The following SLC24A3 variants were observed in gnomAD, a reference collection of about 807,000 sequenced individuals.
SLC24A3 encodes sodium/potassium/calcium exchanger 3.
A neutral mutation model predicts 75.8 loss-of-function variants in SLC24A3; 28 were observed. The ratio of observed to expected loss-of-function variants is 0.37; its 90% CI spans 0.27 to 0.51. SLC24A3 has a LOEUF of 0.51. Ranked by LOEUF, SLC24A3 falls within the 20% of genes least tolerant of loss-of-function variation. SLC24A3 has a pLI of 0.94. For missense variants in SLC24A3, 663 were observed against 847.8 expected (o/e 0.78, Z 2.71); for synonymous variants, 372 against 334.1 (o/e 1.11, Z -1.24).
At chr20:19,685,422 C>G in intron 12 of SLC24A3, 61 bp downstream of exon 12, 1 of 1,573,534 alleles carries the variant, frequency 6.4e-7, no homozygotes, top group Non-Finnish European at 8.6e-7. Flanking sequence ...AGTAGATGCC[C>G]TTGACTTAGA....
intron 2 of SLC24A3, among the ~76,000 whole-genome samples, chr20:19,481,045 C>A (rs562485550): frequency 1.3e-5 from 2 of 152,296 alleles, no homozygotes; most frequent in East Asian, 3.9e-4. Flanking sequence ...GCTGTGACTG[C>A]ACAATCATAG....
chr20:19,418,462 A>G (rs1055631340), intron 2 of SLC24A3, among the ~76,000 whole-genome samples: 5 of 152,024 alleles, frequency 3.3e-5, no homozygotes, highest in South Asian at 2.1e-4. Context: ...AAGTAGGGGG[A>G]AAAAAATAAG....
intron 2 of SLC24A3, among the ~76,000 whole-genome samples, chr20:19,346,081 A>ATG (rs1156943033): frequency 6.0e-5 from 4 of 66,142 alleles, no homozygotes; most frequent in African/African-American, 5.5e-4. Flanking sequence ...ATATATATAT[A>ATG]TATATATATA....
rs367757942 is a variant in SLC24A3 at position 19,571,879 on chromosome 20, C to T, written c.349-8121C>T. 2.6e-5 allele frequency among the ~76,000 whole-genome samples: 4 copies of T among 152,190 alleles called. No individual in the cohort carries two copies. In the South Asian group the frequency reaches 8.3e-4, roughly 32 times the overall value. On this transcript the variant is annotated intron_variant, in intron 3 of 16. Coordinates refer to ENST00000328041, the MANE Select transcript of SLC24A3 (RefSeq NM_020689.4). ...TTGATTTAAAATTGTATTTCATTCCCTTCACAATCTTCCTTAACTCACTCC... is the reference window on the plus strand; with the variant it reads ...TTGATTTAAAATTGTATTTCATTCCTTTCACAATCTTCCTTAACTCACTCC...
intron 2 of SLC24A3, among the ~76,000 whole-genome samples, chr20:19,309,700 G>A (rs1984410900): frequency 6.6e-6 from 1 of 152,136 alleles, no homozygotes; most frequent in South Asian, 2.1e-4. Context: ...ATGAGAAGTG[G>A]CCTTCAAAAA....
At chr20:19,373,030 T>G (rs980138544) in intron 2 of SLC24A3, among the ~76,000 whole-genome samples, 3 of 150,368 alleles carry the variant, frequency 2.0e-5, no homozygotes, top group African/African-American at 4.9e-5. Context: ...AAAAGAGAAA[T>G]AAAGAAAGAA....
At chr20:19,602,926 C>G (rs2031546308) in intron 6 of SLC24A3, among the ~76,000 whole-genome samples, 1 of 152,178 alleles carries the variant, frequency 6.6e-6, no homozygotes, top group South Asian at 2.1e-4. Context: ...CTGAGGGGGG[C>G]TCATCACACC....
intron 3 of SLC24A3, among the ~76,000 whole-genome samples, chr20:19,553,556 A>G (rs1306939151): frequency 1.3e-5 from 2 of 152,166 alleles, no homozygotes; most frequent in Non-Finnish European, 2.9e-5. Flanking sequence ...CATGTCTTTC[A>G]TATGATGAAA....
chr20:19,627,605 AAAAT>A (rs1313663295), intron 6 of SLC24A3, among the ~76,000 whole-genome samples: 1 of 152,210 alleles, frequency 6.6e-6, no homozygotes. Context: ...AGATTATGAT[AAAAT>A]AAATAAAGGA....
intron 3 of SLC24A3, among the ~76,000 whole-genome samples, chr20:19,572,161 G>A (rs1159893504): frequency 6.6e-6 from 1 of 152,034 alleles, no homozygotes; most frequent in Non-Finnish European, 1.5e-5. Flanking sequence ...ACATAGGGAG[G>A]AGCCCCCTCC....
At chr20:19,424,429 C>G (rs1158603863) in intron 2 of SLC24A3, among the ~76,000 whole-genome samples, 2 of 152,166 alleles carry the variant, frequency 1.3e-5, no homozygotes, top group African/African-American at 2.4e-5. Flanking sequence ...GTGGCTCATG[C>G]CAGTAATCCC....
At position 19,553,827 on chromosome 20, in the gene SLC24A3, A is replaced by C. The variant is rs376370989; in HGVS notation, c.349-26173A>C. Among the ~76,000 whole-genome samples, 72 of 152,316 alleles carry C rather than the reference A, an allele frequency of 4.7e-4. No individual in the cohort carries two copies. The Middle Eastern group carries it at 0.01, about 22-fold the overall frequency. ...GGGAAACATAAAATATTTGAGTGCA[A>C]AAAAAGACGGAGCGTATAAAGACAC... On this transcript the variant is annotated intron_variant, in intron 3 of 16. Transcript: ENST00000328041.
At chr20:19,488,450 G>A (rs943597309) in intron 2 of SLC24A3, among the ~76,000 whole-genome samples, 2 of 152,156 alleles carry the variant, frequency 1.3e-5, no homozygotes, top group African/African-American at 2.4e-5. Flanking sequence ...TTCTCCCTCA[G>A]ACCAAGATCT....
At chr20:19,579,867 T>C (rs1044703425) in intron 3 of SLC24A3, 133 bp from the exon 4 acceptor site, 3 of 664,906 alleles carry the variant, frequency 4.5e-6, no homozygotes, top group Non-Finnish European at 8.0e-6. Flanking sequence ...TTGTGGGCAT[T>C]GGAAAGACTT....
chr20:19,380,492 G>T (rs774808678), intron 2 of SLC24A3, among the ~76,000 whole-genome samples: 15 of 152,180 alleles, frequency 9.9e-5, no homozygotes. Context: ...TTTTGGAAAG[G>T]TCTCTCTGGC....
At chr20:19,403,513 GA>G (rs1472759541) in intron 2 of SLC24A3, among the ~76,000 whole-genome samples, 10 of 152,170 alleles carry the variant, frequency 6.6e-5, no homozygotes, top group African/African-American at 2.4e-4. Context: ...AAAAAGAACA[GA>G]CCTCTGACCA....
intron 6 of SLC24A3, among the ~76,000 whole-genome samples, chr20:19,651,686 T>C (rs1362434445): frequency 6.6e-6 from 1 of 151,790 alleles, no homozygotes; most frequent in East Asian, 1.9e-4. Context: ...GGTGAAACCC[T>C]GTCTCTACTA....
At chr20:19,419,226 A>G (rs1986874499) in intron 2 of SLC24A3, among the ~76,000 whole-genome samples, 1 of 152,208 alleles carries the variant, frequency 6.6e-6, no homozygotes. Context: ...CTGGGCCAAG[A>G]TCACTGATTA....
intron 8 of SLC24A3, among the ~76,000 whole-genome samples, chr20:19,669,862 C>T (rs1314063573): frequency 6.6e-6 from 1 of 152,066 alleles, no homozygotes; most frequent in Non-Finnish European, 1.5e-5. Flanking sequence ...TGGTGAGAAT[C>T]AGGGACCCGT....
Sources: allele counts gnomAD v4.1 joint callset (sites outside exome capture counted in the v4.1 genomes callset), GRCh38; gene constraint gnomAD v4.1.1; transcripts MANE v1.5; gene names NCBI Gene and HGNC (gene_info 2026-07-23, HGNC 2026-07-21).